Variants in SLC13A4 observed in about 807,000 individuals in gnomAD.
The protein encoded by SLC13A4 is Na(+)/sulfate cotransporter SUT-1.
A neutral mutation model predicts 72.7 loss-of-function variants in SLC13A4; 28 were observed. The observed-to-expected ratio is 0.39, with a 90% CI of 0.29 to 0.53. The LOEUF is 0.53. Ranked by LOEUF, SLC13A4 falls within the 20% of genes least tolerant of loss-of-function variation. The pLI is 0.78. For synonymous variants in SLC13A4, 312 were observed against 325.5 expected, an observed-to-expected ratio of 0.96 and a Z score of 0.45; for missense variants, 653 against 788.0, an observed-to-expected ratio of 0.83 and a Z score of 2.05.
rs531494896 is a variant in SLC13A4, at chr7:135,681,511, T to TA, written c.*51dup. 6.3e-7 allele frequency: 1 copy of TA among 1,584,438 alleles called. No homozygotes were observed. ...TGGTTTTCTTTGCCTGTGGTCCAGATACTGCTGGATACTGGCAGCTCCTGT... is the reference window on the plus strand; with the variant it reads ...TGGTTTTCTTTGCCTGTGGTCCAGATAACTGCTGGATACTGGCAGCTCCTGT... On this transcript the variant is annotated 3_prime_UTR_variant, in exon 16 of 16. Transcript: ENST00000682651.
At chr7:135,708,511 GTTC>G (rs1423006358) in intron 2 of SLC13A4, among the ~76,000 whole-genome samples, 1 of 152,112 alleles carries the variant, frequency 6.6e-6, no homozygotes, top group Non-Finnish European at 1.5e-5. Flanking sequence ...TAGGATAGAT[GTTC>G]TTCTCCACTT....
At chr7:135,726,530 G>C (rs1796662247) in intron 1 of SLC13A4, among the ~76,000 whole-genome samples, 1 of 150,778 alleles carries the variant, frequency 6.6e-6, no homozygotes, top group Non-Finnish European at 1.5e-5. Flanking sequence ...TGCCAGCTGG[G>C]GGAAGGGGAC....
In SLC13A4 at chr7:135,709,220, C is replaced by T. The variant is rs572685903; in HGVS notation, c.229-970G>A. 4.6e-5 allele frequency among the ~76,000 whole-genome samples: 7 copies of T among 151,928 alleles called. No homozygotes were observed. In the South Asian group the frequency reaches 8.3e-4, roughly 18 times the overall value. On this transcript the variant is annotated intron_variant, in intron 2 of 15. Coordinates refer to ENST00000682651, the MANE Select transcript of SLC13A4 (RefSeq NM_001318192.2). ...TGCGGGGATCAGAAGCATGAGCCAG[C>T]GCACCCGGCCTTAATTTTAAAAATT...
chr7:135,692,228 T>C, intron 11 of SLC13A4, 95 bp downstream of exon 11: 1 of 885,380 alleles, frequency 1.1e-6, no homozygotes, highest in Non-Finnish European at 1.9e-6. Flanking sequence ...AATGAAATCT[T>C]CCTGGCTTCA....
intron 10 of SLC13A4, chr7:135,692,736 G>C: frequency 4.1e-6 from 1 of 246,620 alleles, no homozygotes; most frequent in Non-Finnish European, 7.7e-6. Flanking sequence ...CCCAAACACT[G>C]TGCTGGTGGG....
intron 2 of SLC13A4, among the ~76,000 whole-genome samples, chr7:135,716,126 TG>T (rs1427917703): frequency 6.7e-6 from 1 of 149,096 alleles, no homozygotes; most frequent in East Asian, 1.9e-4. Flanking sequence ...GCTTTGGGCC[TG>T]GAGTGTGGAG....
At chr7:135,702,791 G>A in intron 6 of SLC13A4, 54 bp downstream of exon 6, 3 of 1,462,846 alleles carry the variant, frequency 2.1e-6, no homozygotes, top group Non-Finnish European at 2.9e-6. Context: ...CCATGAAGAA[G>A]TGCTGAGGGA....
chr7:135,684,634 A>AT lies in SLC13A4; in HGVS notation c.1609-374_1609-373insA, dbSNP rs567936867. Among the ~76,000 whole-genome samples the AT allele has an allele frequency of 4.2e-3, 619 of 148,948 alleles. 5 individuals carry two copies. Among genetic ancestry groups the AT allele is most frequent in the South Asian group, 0.029 (140 of 4,746 alleles). On this transcript the variant is annotated intron_variant, in intron 14 of 15. Coordinates refer to ENST00000682651, the MANE Select transcript of SLC13A4 (RefSeq NM_001318192.2). ...TGGGGATTCCTCAGTCTTAGGGTAC[A>AT]GAACTAAGGTGGTTTTTTTTTTTTT...
intron 8 of SLC13A4, 45 bp from the exon 9 acceptor site, chr7:135,695,532 C>G: frequency 1.9e-6 from 3 of 1,592,204 alleles, no homozygotes; most frequent in Non-Finnish European, 2.6e-6. Context: ...GGGAGGGTTT[C>G]CATATGGTAT....
At chr7:135,707,836 T>C (rs1455066380) in intron 3 of SLC13A4, 4 of 312,098 alleles carry the variant, frequency 1.3e-5, no homozygotes, top group African/African-American at 2.1e-5. Context: ...CATCCTGTTT[T>C]ACCTGATGGG....
intron 14 of SLC13A4, 97 bp downstream of exon 14, chr7:135,685,425 G>C: frequency 9.6e-7 from 1 of 1,042,138 alleles, no homozygotes; most frequent in Non-Finnish European, 1.4e-6. Flanking sequence ...GTAACCAGAG[G>C]AGAGCCTACA....
In SLC13A4 at chr7:135,706,353, G is replaced by C. The variant is rs373435663; in HGVS notation, c.366-53C>G. 1.2e-5 allele frequency: 19 copies of C among 1,532,674 alleles called. No individual in the cohort carries two copies. The East Asian group carries it at 2.0e-4, about 17-fold the overall frequency. The allele number at this position is 1,532,674 out of a possible 1,614,324, so 94.9% of individuals were successfully genotyped here. On this transcript the variant is annotated intron_variant, in intron 3 of 15. Transcript: ENST00000682651. ...GCGTCCACGGAACACACATCCCTGC[G>C]GCTCCACAGTGGGCCTCCTACCAAC...
At chr7:135,691,933 G>A (rs1465150110) in intron 11 of SLC13A4, 2 of 428,084 alleles carry the variant, frequency 4.7e-6, no homozygotes, top group African/African-American at 2.0e-5. Flanking sequence ...GAGTTGGTTA[G>A]ATAAAGGAGA....
intron 4 of SLC13A4, 61 bp from the exon 5 acceptor site, chr7:135,705,711 T>A: frequency 6.7e-7 from 1 of 1,486,228 alleles, no homozygotes; most frequent in African/African-American, 1.4e-5. Context: ...CCCTGTGGGT[T>A]GGAGCATAGC....
At chr7:135,713,810 T>G (rs915296783) in intron 2 of SLC13A4, among the ~76,000 whole-genome samples, 2 of 152,182 alleles carry the variant, frequency 1.3e-5, no homozygotes, top group African/African-American at 4.8e-5. Context: ...CGCCTGACCT[T>G]GTGATCCTCC....
At chr7:135,701,062 G>T (rs908685980) in intron 7 of SLC13A4, among the ~76,000 whole-genome samples, 1 of 152,148 alleles carries the variant, frequency 6.6e-6, no homozygotes, top group East Asian at 1.9e-4. Context: ...TTTCATCTCT[G>T]CCTTGTTTGC....
At chr7:135,690,574 G>A (rs573113046) in intron 13 of SLC13A4, among the ~76,000 whole-genome samples, 1 of 152,016 alleles carries the variant, frequency 6.6e-6, no homozygotes, top group African/African-American at 2.4e-5. Context: ...ATCTCCTATT[G>A]CCACTGTCAA....
intron 11 of SLC13A4, 42 bp downstream of exon 11, chr7:135,692,281 G>A: frequency 3.7e-6 from 5 of 1,366,330 alleles, no homozygotes. Context: ...TGAAGAATTG[G>A]GGTGAGGGGG....
In SLC13A4 at chr7:135,710,089, G is replaced by A. The variant is rs1161601388; in HGVS notation, c.229-1839C>T. Among the ~76,000 whole-genome samples, 6 of 152,160 alleles carry A rather than the reference G, an allele frequency of 3.9e-5. No homozygotes were observed. In the East Asian group the frequency reaches 1.2e-3, roughly 29 times the overall value. On this transcript the variant is annotated intron_variant, in intron 2 of 15. Coordinates refer to ENST00000682651, the MANE Select transcript of SLC13A4 (RefSeq NM_001318192.2). Reference sequence around the variant, plus strand: ...AATTGAGAGGAAAAGCTATAGAAAAGTCTAACTTCTAATTGAAAAACCCTC... The same window carrying A: ...AATTGAGAGGAAAAGCTATAGAAAAATCTAACTTCTAATTGAAAAACCCTC...
Sources: gnomAD v4.1 joint callset for allele counts (sites outside exome capture counted in the v4.1 genomes callset) on GRCh38, gnomAD v4.1.1 for gene constraint, MANE v1.5 for transcripts, NCBI Gene and HGNC (gene_info 2026-07-23, HGNC 2026-07-21) for gene names.